Variants in MPPED2 observed in about 807,000 individuals in gnomAD.
MPPED2 encodes the protein metallophosphoesterase MPPED2.
Under a neutral mutation model 33.0 loss-of-function variants are expected in MPPED2, and 5 were observed. That is an observed-to-expected ratio of 0.15 (90% CI 0.08 to 0.32). MPPED2 has a LOEUF of 0.32. Among genes scored for constraint, MPPED2 ranks in the 10% least tolerant of loss-of-function variants. The probability of loss-of-function intolerance (pLI) is 1.00; values close to 1 mark genes in which losing one functional copy is unlikely to be tolerated. For missense variants in MPPED2, 275 were observed against 372.1 expected, an observed-to-expected ratio of 0.74 and a Z score of 2.15; for synonymous variants, 136 against 141.9, an observed-to-expected ratio of 0.96 and a Z score of 0.29.
downstream of MPPED2, among the ~76,000 whole-genome samples, chr11:30,406,494 G>C (rs544894016): frequency 3.3e-5 from 5 of 152,248 alleles, no homozygotes; most frequent in South Asian, 1.0e-3. Context: ...TTCTGAATCA[G>C]TGTTTTTCTC....
intron 2 of MPPED2, among the ~76,000 whole-genome samples, chr11:30,537,327 T>C (rs1424447529): frequency 1.3e-5 from 2 of 152,176 alleles, no homozygotes; most frequent in East Asian, 3.9e-4. Flanking sequence ...AAATATGCAA[T>C]GCAGAGATTA....
chr11:30,514,230 G>A (rs548491909), intron 3 of MPPED2, among the ~76,000 whole-genome samples: 47 of 152,178 alleles, frequency 3.1e-4, no homozygotes, highest in South Asian at 1.7e-3. Context: ...AAGGAGGTGC[G>A]GTCACCCAAT....
intron 4 of MPPED2, among the ~76,000 whole-genome samples, chr11:30,435,806 G>GT (rs1252564310): frequency 6.6e-6 from 1 of 152,144 alleles, no homozygotes; most frequent in Non-Finnish European, 1.5e-5. Flanking sequence ...AATGAAATCA[G>GT]TAAGTGGCAG....
At chr11:30,469,249 C>T (rs191444371) in intron 4 of MPPED2, among the ~76,000 whole-genome samples, 9 of 152,268 alleles carry the variant, frequency 5.9e-5, no homozygotes, top group African/African-American at 2.2e-4. Context: ...TGTTTTCTTA[C>T]CATCTACTTT....
intron 4 of MPPED2, among the ~76,000 whole-genome samples, chr11:30,424,290 C>T (rs1948737865): frequency 6.6e-6 from 1 of 152,180 alleles, no homozygotes; most frequent in Admixed American, 6.5e-5. Context: ...ATCACTGCTG[C>T]CTGGCACCTC....
At chr11:30,498,382 T>A (rs921719813) in intron 3 of MPPED2, among the ~76,000 whole-genome samples, 2 of 151,958 alleles carry the variant, frequency 1.3e-5, no homozygotes, top group African/African-American at 4.8e-5. Flanking sequence ...GTCAGGAGTT[T>A]GAGACCAGCC....
intron 2 of MPPED2, among the ~76,000 whole-genome samples, chr11:30,543,481 T>C (rs1955241767): frequency 6.6e-6 from 1 of 152,228 alleles, no homozygotes; most frequent in Non-Finnish European, 1.5e-5. Flanking sequence ...TACACACCAC[T>C]ATTTACCGAT....
chr11:30,460,257 C>T (rs930499033), intron 4 of MPPED2, among the ~76,000 whole-genome samples: 2 of 152,242 alleles, frequency 1.3e-5, no homozygotes, highest in Admixed American at 6.5e-5. Flanking sequence ...ATTTCTGCTT[C>T]CCGTGGCGAC....
chr11:30,449,179 T>TAA (rs1376583597), intron 4 of MPPED2, among the ~76,000 whole-genome samples: 14 of 112,660 alleles, frequency 1.2e-4, no homozygotes, highest in African/African-American at 6.2e-4. Context: ...CAGTAAATGT[T>TAA]AAGAGAATGA....
intron 2 of MPPED2, 82 bp downstream of exon 2, chr11:30,580,164 G>A: frequency 7.1e-7 from 1 of 1,399,036 alleles, no homozygotes; most frequent in Non-Finnish European, 1.0e-6. Flanking sequence ...CTCCCTAGCA[G>A]AAGTTAATAG....
intron 1 of MPPED2, among the ~76,000 whole-genome samples, chr11:30,581,143 T>C (rs1302131724): frequency 6.6e-6 from 1 of 152,154 alleles, no homozygotes; most frequent in African/African-American, 2.4e-5. Context: ...GTCATTTTTT[T>C]CAACACTCCA....
At chr11:30,446,815 C>T (rs1262153525) in intron 4 of MPPED2, among the ~76,000 whole-genome samples, 5 of 152,236 alleles carry the variant, frequency 3.3e-5, no homozygotes, top group Non-Finnish European at 5.9e-5. Context: ...CCCCCCCCGA[C>T]GCCAAGTCCC....
chr11:30,585,487 G>A (rs1358242107), intron 1 of MPPED2, among the ~76,000 whole-genome samples: 10 of 152,104 alleles, frequency 6.6e-5, no homozygotes, highest in Non-Finnish European at 1.2e-4. Flanking sequence ...GGGAGCCCGG[G>A]GATCGGGCCA....
intron 3 of MPPED2, among the ~76,000 whole-genome samples, chr11:30,501,978 G>A (rs1053963464): frequency 2.6e-5 from 4 of 152,112 alleles, no homozygotes; most frequent in Admixed American, 6.6e-5. Flanking sequence ...AGAGGGGAAC[G>A]ACCTTCTCTG....
chr11:30,443,374 G>C (rs1377204621), intron 4 of MPPED2, among the ~76,000 whole-genome samples: 14 of 152,108 alleles, frequency 9.2e-5, no homozygotes, highest in Admixed American at 9.2e-4. Flanking sequence ...AGTAAAGTTA[G>C]ATAACTTATC....
At chr11:30,460,470 A>T (rs185863367) in intron 4 of MPPED2, among the ~76,000 whole-genome samples, 4,121 of 152,044 alleles carry the variant, frequency 0.027, 93 homozygotes, top group Admixed American at 0.064. Flanking sequence ...AAATTTTTTT[A>T]AAAAGTTAGC....
At chr11:30,562,105 C>A (rs942971109) in intron 2 of MPPED2, among the ~76,000 whole-genome samples, 7 of 152,276 alleles carry the variant, frequency 4.6e-5, no homozygotes, top group Admixed American at 4.6e-4. Context: ...TGCTCATTTC[C>A]ACACACAGCA....
chr11:30,448,500 T>TA (rs144626019), intron 4 of MPPED2, among the ~76,000 whole-genome samples: 4,109 of 152,326 alleles, frequency 0.027, 93 homozygotes, highest in Admixed American at 0.063. Context: ...ACTAAAGTGT[T>TA]ACGGCTTTAT....
chr11:30,471,075 C>A (rs80176784), intron 4 of MPPED2, among the ~76,000 whole-genome samples: 169 of 152,280 alleles, frequency 1.1e-3, no homozygotes, highest in African/African-American at 4.1e-3. Context: ...TTAATATTAG[C>A]CAGCAAGCCA....
Sources: allele counts gnomAD v4.1 joint callset (sites outside exome capture counted in the v4.1 genomes callset), GRCh38; gene constraint gnomAD v4.1.1; transcripts MANE v1.5; gene names NCBI Gene and HGNC (gene_info 2026-07-23, HGNC 2026-07-21).